The following IL1RAPL1 variants were observed in gnomAD, a reference collection of about 807,000 sequenced individuals.
IL1RAPL1 encodes interleukin 1 receptor accessory protein like 1.
IL1RAPL1 carries 3 observed loss-of-function variants against 48.4 expected under a neutral mutation model. The ratio of observed to expected loss-of-function variants is 0.06; its 90% CI spans 0.03 to 0.16. The LOEUF (loss-of-function observed/expected upper bound fraction) is 0.16, where lower values mean the gene tolerates loss of function less well. Ranked by LOEUF, IL1RAPL1 falls within the 10% of genes least tolerant of loss-of-function variation. The pLI, the probability that IL1RAPL1 is intolerant of heterozygous loss-of-function variation, is 1.00. For synonymous variants in IL1RAPL1, 185 were observed against 187.7 expected (o/e 0.99, Z 0.12); for missense variants, 349 against 530.6 (o/e 0.66, Z 3.36).
intron 8 of IL1RAPL1, among the ~76,000 whole-genome samples, chrX:29,932,313 C>T (rs1932960449): frequency 8.9e-6 from 1 of 112,449 alleles, no homozygotes; most frequent in Non-Finnish European, 1.9e-5. Flanking sequence ...TCACAGTATA[C>T]ATTTTGAAAA....
At chrX:28,878,508 T>C (rs1185038059) in intron 2 of IL1RAPL1, among the ~76,000 whole-genome samples, 1 of 112,065 alleles carries the variant, frequency 8.9e-6, no homozygotes, top group African/African-American at 3.2e-5. Context: ...AGAGAAGCTT[T>C]AGTTAAATTT....
At chrX:29,126,934 T>G (rs953003787) in intron 2 of IL1RAPL1, among the ~76,000 whole-genome samples, 1 of 111,716 alleles carries the variant, frequency 9.0e-6, no homozygotes, top group Non-Finnish European at 1.9e-5. Context: ...ACAGTTAAGC[T>G]GTACCTTTGG....
chrX:29,763,068 C>A (rs1928793587), intron 6 of IL1RAPL1, among the ~76,000 whole-genome samples: 1 of 104,107 alleles, frequency 9.6e-6, no homozygotes, highest in Non-Finnish European at 2.0e-5. Flanking sequence ...TTTTTTTGAG[C>A]AAAACTGTCT....
chrX:29,532,830 C>T (rs1017826642), intron 5 of IL1RAPL1, among the ~76,000 whole-genome samples: 2 of 111,846 alleles, frequency 1.8e-5, no homozygotes, highest in Non-Finnish European at 3.8e-5. Context: ...ACTTAACTTG[C>T]AGTAAGGTGA....
intron 7 of IL1RAPL1, among the ~76,000 whole-genome samples, chrX:29,918,144 A>AAATATATATAT (rs1555935868): frequency 2.1e-4 from 5 of 23,757 alleles, no homozygotes; most frequent in East Asian, 1.6e-3. Context: ...AAAAAAAAAA[A>AAATATATATAT]ATATATATAT....
intron 1 of IL1RAPL1, among the ~76,000 whole-genome samples, chrX:28,680,691 CT>C (rs765173077): frequency 9.0e-6 from 1 of 111,388 alleles, no homozygotes; most frequent in Non-Finnish European, 1.9e-5. Context: ...TTGTCATATG[CT>C]TTTTGTTTTT....
intron 6 of IL1RAPL1, among the ~76,000 whole-genome samples, chrX:29,762,020 G>A (rs4829292): frequency 0.077 from 8,544 of 111,352 alleles, 298 homozygotes; most frequent in Middle Eastern, 0.25. Context: ...CCTTGTTTCT[G>A]TTCTTCTTCT....
intron 5 of IL1RAPL1, among the ~76,000 whole-genome samples, chrX:29,660,356 A>T: frequency 8.9e-6 from 1 of 111,984 alleles, no homozygotes; most frequent in Admixed American, 9.4e-5. Flanking sequence ...AATCTCAATT[A>T]TCTGTTTTTG....
intron 5 of IL1RAPL1, among the ~76,000 whole-genome samples, chrX:29,616,670 A>G (rs1924299374): frequency 9.0e-6 from 1 of 110,875 alleles, no homozygotes; most frequent in African/African-American, 3.3e-5. Context: ...TAGGGAAGCC[A>G]GGCAAGTGGG....
chrX:29,462,671 A>G (rs1235944067), intron 5 of IL1RAPL1, among the ~76,000 whole-genome samples: 2 of 111,389 alleles, frequency 1.8e-5, no homozygotes, highest in South Asian at 3.8e-4. Flanking sequence ...ACTAGCCACA[A>G]TGGATATTGA....
chrX:28,632,886 C>CTTTTTTTTTTTTTTTTTTTTTTT (rs140847456), intron 1 of IL1RAPL1, among the ~76,000 whole-genome samples: 1 of 40,664 alleles, frequency 2.5e-5, no homozygotes, highest in Non-Finnish European at 4.3e-5. Flanking sequence ...TCACTGTATG[C>CTTTTTTTTTTTTTTTTTTTTTTT]TTTTTTTTTT....
chrX:29,652,945 A>C lies in IL1RAPL1; in HGVS notation c.704-15485A>C, dbSNP rs950443017. On this transcript the variant is annotated intron_variant, in intron 5 of 10. Transcript: ENST00000378993. ...TAAAGTAAAAATGTCTTTGCTACTTATCACATTCAAAGAAATGTGGAGCTG... is the reference window on the plus strand; with the variant it reads ...TAAAGTAAAAATGTCTTTGCTACTTCTCACATTCAAAGAAATGTGGAGCTG... Among the ~76,000 whole-genome samples the C allele has an allele frequency of 5.3e-5, 6 of 112,398 alleles. No individual in the cohort carries two copies. In the East Asian group the frequency reaches 1.7e-3, roughly 31 times the overall value.
chrX:29,312,704 G>T (rs1973054145), intron 3 of IL1RAPL1, among the ~76,000 whole-genome samples: 1 of 111,575 alleles, frequency 9.0e-6, no homozygotes, highest in African/African-American at 3.3e-5. Context: ...AGAAACAGAG[G>T]CTGATATGGT....
chrX:29,895,035 G>T (rs957180920), intron 6 of IL1RAPL1, among the ~76,000 whole-genome samples: 10 of 108,473 alleles, frequency 9.2e-5, no homozygotes, highest in Non-Finnish European at 1.3e-4. Flanking sequence ...TATTGGCCAG[G>T]CTGGTCTCGA....
intron 6 of IL1RAPL1, among the ~76,000 whole-genome samples, chrX:29,674,700 TTCTC>T (rs200499004): frequency 9.0e-6 from 1 of 111,349 alleles, no homozygotes; most frequent in Non-Finnish European, 1.9e-5. Context: ...TATTTTTTTC[TTCTC>T]TCTCTCTCTC....
intron 6 of IL1RAPL1, among the ~76,000 whole-genome samples, chrX:29,799,397 G>A (rs1929824153): frequency 9.0e-6 from 1 of 111,653 alleles, no homozygotes; most frequent in Admixed American, 9.5e-5. Context: ...ACTGTCTTGT[G>A]TTAAGAACTT....
At chrX:29,155,394 T>C (rs1929549820) in intron 2 of IL1RAPL1, among the ~76,000 whole-genome samples, 1 of 112,003 alleles carries the variant, frequency 8.9e-6, no homozygotes, top group African/African-American at 3.2e-5. Flanking sequence ...TCCTTTGTTT[T>C]TTGCACTGAA....
At chrX:29,692,121 T>C (rs1926791211) in intron 6 of IL1RAPL1, among the ~76,000 whole-genome samples, 1 of 112,079 alleles carries the variant, frequency 8.9e-6, no homozygotes, top group Non-Finnish European at 1.9e-5. Flanking sequence ...CCCTCTCTTT[T>C]TGCCCACAGC....
intron 2 of IL1RAPL1, among the ~76,000 whole-genome samples, chrX:28,932,854 A>C (rs1327316045): frequency 1.8e-5 from 2 of 111,077 alleles, no homozygotes; most frequent in Non-Finnish European, 3.8e-5. Context: ...ATGATATTTT[A>C]AGTGTTCCCT....
Sources: gnomAD v4.1 joint callset for allele counts (sites outside exome capture counted in the v4.1 genomes callset) on GRCh38, gnomAD v4.1.1 for gene constraint, MANE v1.5 for transcripts, NCBI Gene and HGNC (gene_info 2026-07-23, HGNC 2026-07-21) for gene names.